The following SCP2 variants were observed in gnomAD, a reference collection of about 807,000 sequenced individuals.
SCP2 encodes SCP-2/3-oxoacyl-CoA thiolase.
Under a neutral mutation model 71.4 loss-of-function variants are expected in SCP2, and 48 were observed. The ratio of observed to expected loss-of-function variants is 0.67; its 90% confidence interval spans 0.53 to 0.86. The LOEUF is 0.86. Ranked by LOEUF, SCP2 falls within the 40% of genes least tolerant of loss-of-function variation. SCP2 has a pLI of 0.00. For missense variants in SCP2, 560 were observed against 655.6 expected, an observed-to-expected ratio of 0.85 and a Z score of 1.59; for synonymous variants, 220 against 218.1, an observed-to-expected ratio of 1.01 and a Z score of -0.08.
At chr1:52,950,667 T>C in intron 3 of SCP2, 88 bp from the exon 4 acceptor site, 1 of 1,026,382 alleles carries the variant, frequency 9.7e-7, no homozygotes, top group Non-Finnish European at 1.5e-6. Context: ...TAGGCAAAGG[T>C]ATAATATTGA....
intron 2 of SCP2, among the ~76,000 whole-genome samples, chr1:52,942,390 G>A (rs567310696): frequency 6.6e-6 from 1 of 152,234 alleles, no homozygotes; most frequent in East Asian, 1.9e-4. Context: ...GAATATTGGT[G>A]TGAGTGGAAC....
At chr1:53,033,195 CATTTTAGGACTACTTATTAAAACTAAAT>C (rs1308818702) in intron 13 of SCP2, among the ~76,000 whole-genome samples, 1 of 152,110 alleles carries the variant, frequency 6.6e-6, no homozygotes, top group Non-Finnish European at 1.5e-5. Flanking sequence ...TAAAACTAAA[CATTTTAGGACTACTTATTAAAACTAAAT>C]ATTTTAGGAT....
At chr1:52,961,066 C>CTTTTTTTT (rs774047289) in intron 5 of SCP2, among the ~76,000 whole-genome samples, 3 of 92,178 alleles carry the variant, frequency 3.3e-5, no homozygotes, top group Middle Eastern at 6.3e-3. Context: ...TCCTTTGGTT[C>CTTTTTTTT]TTTTTTTTTT....
intron 14 of SCP2, among the ~76,000 whole-genome samples, chr1:53,046,522 C>T (rs1308608345): frequency 6.6e-6 from 1 of 152,010 alleles, no homozygotes; most frequent in Non-Finnish European, 1.5e-5. Context: ...GATCGTCTAA[C>T]CTTTTCTAGT....
chr1:52,962,990 T>G (rs970536664), intron 6 of SCP2, among the ~76,000 whole-genome samples: 11 of 151,890 alleles, frequency 7.2e-5, no homozygotes, highest in Non-Finnish European at 1.5e-4. Flanking sequence ...TTTGTCTTAT[T>G]TCCTGCACAT....
intron 8 of SCP2, 99 bp from the exon 9 acceptor site, chr1:52,978,118 G>A (rs1658145592): frequency 2.8e-6 from 3 of 1,053,308 alleles, no homozygotes; most frequent in Admixed American, 3.6e-5. Flanking sequence ...TGACCAGCAA[G>A]CATATTTGGC....
chr1:52,980,342 T>C (rs768515179), intron 9 of SCP2, 54 bp from the exon 10 acceptor site: 41 of 1,528,408 alleles, frequency 2.7e-5, no homozygotes, highest in Non-Finnish European at 3.4e-5. Flanking sequence ...TTAAAATACT[T>C]GTTTAAAAGG....
At chr1:53,013,259 A>G (rs957746651) in intron 11 of SCP2, among the ~76,000 whole-genome samples, 1 of 131,420 alleles carries the variant, frequency 7.6e-6, no homozygotes, top group Non-Finnish European at 1.8e-5. Flanking sequence ...AGGGCTACAG[A>G]CATGTGTCCC....
chr1:52,929,404 G>T lies in SCP2; in HGVS notation c.69+1939G>T, dbSNP rs369890838. Among the ~76,000 whole-genome samples the T allele has an allele frequency of 2.6e-4, 39 of 151,582 alleles. No homozygotes were observed. In the South Asian group the frequency reaches 7.7e-3, roughly 30 times the overall value. On this transcript the variant is annotated intron_variant, in intron 1 of 15. Coordinates refer to ENST00000371514, the MANE Select transcript of SCP2 (RefSeq NM_002979.5). ...GGTCTCACTACTTACTACTAGATGG[G>T]TCTCATTTCTACCATATATTACTGT...
chr1:52,935,627 GA>G (rs1025114268), intron 1 of SCP2, among the ~76,000 whole-genome samples: 4 of 147,462 alleles, frequency 2.7e-5, no homozygotes, highest in Non-Finnish European at 4.5e-5. Context: ...CCTGTCTCAA[GA>G]AAAAAAAAGG....
At chr1:52,947,279 G>A (rs1654895977) in intron 2 of SCP2, among the ~76,000 whole-genome samples, 1 of 143,580 alleles carries the variant, frequency 7.0e-6, no homozygotes, top group Non-Finnish European at 1.5e-5. Context: ...AGAATGAAGA[G>A]TGGCTTATAA....
chr1:52,935,961 A>G (rs1014895831), intron 1 of SCP2, among the ~76,000 whole-genome samples: 2 of 152,166 alleles, frequency 1.3e-5, no homozygotes, highest in African/African-American at 2.4e-5. Flanking sequence ...AATATCCACA[A>G]TTCCAATACT....
At chr1:53,026,327 A>T (rs1662128577) in intron 12 of SCP2, among the ~76,000 whole-genome samples, 1 of 152,228 alleles carries the variant, frequency 6.6e-6, no homozygotes, top group Non-Finnish European at 1.5e-5. Flanking sequence ...ATAGTAAACT[A>T]TAGTCACCCT....
In SCP2 at chr1:52,951,047, G is replaced by A. The variant is rs568416963; in HGVS notation, c.331+161G>A. ...TGTAACCCTAGCACTTTGGGAGGCCGAGGGGGGTGGATTGTTTGAGCTTGT... is the reference window on the plus strand; with the variant it reads ...TGTAACCCTAGCACTTTGGGAGGCCAAGGGGGGTGGATTGTTTGAGCTTGT... On this transcript the variant is annotated intron_variant, in intron 4 of 15. Coordinates refer to ENST00000371514, the MANE Select transcript of SCP2 (RefSeq NM_002979.5). Among the ~76,000 whole-genome samples the A allele has an allele frequency of 2.0e-4, 30 of 152,222 alleles. 1 individual carries two copies. Among genetic ancestry groups the A allele is most frequent in the East Asian group, 1.7e-3 (9 of 5,178 alleles).
chr1:53,007,078 T>C (rs964205903), intron 11 of SCP2, among the ~76,000 whole-genome samples: 3 of 152,132 alleles, frequency 2.0e-5, no homozygotes, highest in African/African-American at 7.2e-5. Flanking sequence ...CAAGAAGAGA[T>C]AACTATCCTA....
intron 1 of SCP2, among the ~76,000 whole-genome samples, chr1:52,938,326 T>A (rs1653918980): frequency 6.6e-6 from 1 of 152,202 alleles, no homozygotes; most frequent in Non-Finnish European, 1.5e-5. Context: ...TAAAATGTAT[T>A]TTATTTTGGT....
At chr1:52,994,064 A>G (rs541973326) in intron 11 of SCP2, 13 of 1,115,190 alleles carry the variant, frequency 1.2e-5, no homozygotes, top group Admixed American at 4.6e-5. Flanking sequence ...GTTGTGCCCA[A>G]TGCTACACAG....
At position 53,051,524 on chromosome 1, in the gene SCP2, G is replaced by A. The variant is rs2150283373; in HGVS notation, c.*820G>A. 2.0e-5 allele frequency: 3 copies of A among 152,044 alleles called. No individual in the cohort carries two copies. In the East Asian group the frequency reaches 5.8e-4, roughly 29 times the overall value. The allele number at this position is 152,044 out of a possible 1,614,324, so 9.4% of individuals were successfully genotyped here. On this transcript the variant is annotated 3_prime_UTR_variant, in exon 16 of 16. Transcript: ENST00000371514. ...TTTTCCTAGTTTTTCTAATACTAAT[G>A]TTATTTCTTAAAATTCAGTGAGATA...
intron 13 of SCP2, among the ~76,000 whole-genome samples, chr1:53,037,904 A>ACACACACACACACACCCC (rs1553155263): frequency 8.6e-5 from 11 of 127,426 alleles, no homozygotes; most frequent in African/African-American, 3.6e-4. Context: ...ACACACACAC[A>ACACACACACACACACCCC]CACACACACA....
Sources: allele counts gnomAD v4.1 joint callset (sites outside exome capture counted in the v4.1 genomes callset), GRCh38; gene constraint gnomAD v4.1.1; transcripts MANE v1.5; gene names NCBI Gene and HGNC (gene_info 2026-07-23, HGNC 2026-07-21).